Variants in VPS11 observed in about 807,000 individuals in gnomAD.
The protein encoded by VPS11 is VPS11 core subunit of CORVET and HOPS complexes.
VPS11 carries 51 observed loss-of-function variants against 106.8 expected under a neutral mutation model. The observed-to-expected ratio is 0.48, with a 90% CI of 0.38 to 0.60. The LOEUF (loss-of-function observed/expected upper bound fraction) is 0.60, where lower values mean the gene tolerates loss of function less well. Ranked by LOEUF, VPS11 falls within the 20% of genes least tolerant of loss-of-function variation. VPS11 has a pLI of 0.00. For missense variants in VPS11, 950 were observed against 1,190.0 expected, an observed-to-expected ratio of 0.80 and a Z score of 2.97; for synonymous variants, 453 against 458.7, an observed-to-expected ratio of 0.99 and a Z score of 0.16.
In VPS11 at chr11:119,078,548, C is replaced by T; in HGVS notation, c.1924-17C>T. ...TTTCCCCTTTTGTCCAGCAGCTCTG[C>T]CCTCCTTCCTCTCCAGGTCAAAGAG... is the stretch of plus-strand genomic sequence containing the variant. On this transcript the variant is annotated splice_polypyrimidine_tract_variant and intron_variant, in intron 11 of 15. Transcript: ENST00000621676. 6.2e-7 allele frequency: 1 copy of T among 1,605,018 alleles called. No homozygotes were observed. Among genetic ancestry groups the T allele is most frequent in the Non-Finnish European group, 8.5e-7 (1 of 1,172,820 alleles).
chr11:119,068,037 CCCT>C, intron 1 of VPS11, 27 bp downstream of exon 1: 1 of 1,575,188 alleles, frequency 6.3e-7, no homozygotes, highest in Non-Finnish European at 8.7e-7. Context: ...GCTGTCTTTT[CCCT>C]CCCGGGATCC....
In VPS11 at chr11:119,071,751, G is replaced by A; in HGVS notation, c.792G>A (p.Gly264=). 6.2e-7 allele frequency: 1 copy of A among 1,614,002 alleles called. No individual in the cohort carries two copies. Among genetic ancestry groups the A allele is most frequent in the Non-Finnish European group, 8.5e-7 (1 of 1,179,892 alleles). Residue 264 remains glycine (G), a synonymous_variant, in exon 5 of 16, where the codon GGG becomes GGA. Transcript: ENST00000621676. ...ACTTGTACCAGCCTGATGAACGTGGGCCCTGCTTCGCCTTTGAGGGCCATA... is the reference window on the plus strand; with the variant it reads ...ACTTGTACCAGCCTGATGAACGTGGACCCTGCTTCGCCTTTGAGGGCCATA... ...CVYLYQPDER[G]PCFAFEGHKL...
At chr11:119,078,735 G>T in intron 12 of VPS11, 31 bp downstream of exon 12, 2 of 1,609,068 alleles carry the variant, frequency 1.2e-6, no homozygotes, top group Non-Finnish European at 1.7e-6. Context: ...AGGGAAAGGG[G>T]AAGAATCCAA....
At chr11:119,078,373 G>A (rs1177563) in intron 11 of VPS11, 39 bp downstream of exon 11, 627,957 of 1,598,016 alleles carry the variant, frequency 0.39, 126,149 homozygotes, top group African/African-American at 0.49. Flanking sequence ...AAGACAGTTC[G>A]TGCCGTCTCC....
intron 4 of VPS11, among the ~76,000 whole-genome samples, chr11:119,071,368 A>C (rs1460587606): frequency 1.3e-5 from 2 of 152,212 alleles, no homozygotes; most frequent in East Asian, 3.8e-4. Context: ...TCTTACTTGC[A>C]GAATTTCTGT....
In VPS11 at chr11:119,078,178, C is replaced by G. The variant is rs782526268; in HGVS notation, c.1767C>G (p.Asn589Lys). The change falls in exon 11 of 16, where the codon AAC becomes AAG. Residue 589 changes from asparagine to lysine, a missense_variant. By Grantham distance (94) the Asn-to-Lys change is moderately conservative (BLOSUM62 0). This residue lies in a region of VPS11 where 453 missense variants were observed against 514.6 expected (regional missense o/e 0.88). Coordinates refer to ENST00000621676, the MANE Select transcript of VPS11 (RefSeq NM_021729.6). Reference protein sequence around the residue: ...SDREAPGCRANSEEFIPIFAN... With the variant: ...SDREAPGCRAKSEEFIPIFAN... ...TTCCTCTCTTGCCATCCTAGGCCAA[C>G]TCTGAGGAGTTCATCCCCATCTTTG... is the stretch of plus-strand genomic sequence containing the variant. The G allele has an allele frequency of 1.2e-6, 2 of 1,613,040 alleles. No homozygotes were observed. Among genetic ancestry groups the G allele is most frequent in the African/African-American group, 2.7e-5 (2 of 74,932 alleles).
chr11:119,081,431 G>T, intron 15 of VPS11, 28 bp from the exon 16 acceptor site: 1 of 1,613,712 alleles, frequency 6.2e-7, no homozygotes, highest in Non-Finnish European at 8.5e-7. Context: ...ATTCTGATTC[G>T]TATTCCTTCC....
Position 119,081,302 on chromosome 11 carries a change from A to T in VPS11, c.2649A>T (p.Gln883His). The change falls in exon 15 of 16, where the codon CAA (glutamine) becomes CAT (histidine). Residue 883 changes from glutamine to histidine, a missense_variant. Coordinates refer to ENST00000621676, the MANE Select transcript of VPS11 (RefSeq NM_021729.6). ...AACAGAAACGAGATCTCCATGATCA[A>T]TTCCAGCATCAGGTGGGGATGAGTG... Reference protein sequence around the residue: ...AQEQKRDLHDQFQHQLKCSND... With the variant: ...AQEQKRDLHDHFQHQLKCSND... 1 of 1,614,066 alleles carries T rather than the reference A, an allele frequency of 6.2e-7. No homozygotes were observed. The highest frequency in any genetic ancestry group is 2.2e-5 in the East Asian group (1 of 44,884).
At chr11:119,075,725 G>A (rs977970562) in intron 7 of VPS11, among the ~76,000 whole-genome samples, 2 of 150,764 alleles carry the variant, frequency 1.3e-5, no homozygotes, top group African/African-American at 2.4e-5. Flanking sequence ...GGTGGCGGGC[G>A]CCTGTAATCC....
In VPS11 at chr11:119,077,662, CT is replaced by C; in HGVS notation, c.1572+21del. The C allele has an allele frequency of 1.3e-6, 2 of 1,574,814 alleles. No homozygotes were observed. Among genetic ancestry groups the C allele is most frequent in the Non-Finnish European group, 1.7e-6 (2 of 1,159,940 alleles). ...AAGACATTAAGGTAGGTGAGACTGTCTTTTTTCCCCAAGAGACAGGGTCTCA... is the reference window on the plus strand; with the variant it reads ...AAGACATTAAGGTAGGTGAGACTGTCTTTTTCCCCAAGAGACAGGGTCTCA... On this transcript the variant is annotated intron_variant, in intron 9 of 15. Transcript: ENST00000621676.
At chr11:119,070,442 C>T in intron 4 of VPS11, 45 bp downstream of exon 4, 5 of 1,568,470 alleles carry the variant, frequency 3.2e-6, no homozygotes, top group Non-Finnish European at 4.3e-6. Context: ...GGGAGGGCTT[C>T]TCCATTGTTC....
At chr11:119,074,607 G>A (rs893241729) in intron 7 of VPS11, among the ~76,000 whole-genome samples, 3 of 152,118 alleles carry the variant, frequency 2.0e-5, no homozygotes, top group East Asian at 1.9e-4. Flanking sequence ...GTTTCACCAC[G>A]TTCTCTAGGC....
chr11:119,079,067 C>T, intron 13 of VPS11, 62 bp from the exon 14 acceptor site: 8 of 1,612,158 alleles, frequency 5.0e-6, no homozygotes, highest in Non-Finnish European at 6.8e-6. Flanking sequence ...GGCCCTTCAC[C>T]TTTATCCAGA....
chr11:119,081,075 G>A lies in VPS11; in HGVS notation c.2439-17G>A. 3 of 1,611,180 alleles carry A rather than the reference G, an allele frequency of 1.9e-6. No homozygotes were observed. In the African/African-American group the frequency reaches 4.0e-5, roughly 21 times the overall value. On this transcript the variant is annotated splice_polypyrimidine_tract_variant and intron_variant, in intron 14 of 15. Transcript: ENST00000621676. ...CCCTCACTTTTGCCACTCACTTCTG[G>A]TCTTTCTTCCCTGTAGTCCTAAGAT...
intron 7 of VPS11, among the ~76,000 whole-genome samples, chr11:119,075,355 G>A (rs1945565350): frequency 6.6e-6 from 1 of 151,926 alleles, no homozygotes; most frequent in Non-Finnish European, 1.5e-5. Flanking sequence ...GAATGCATGA[G>A]CCCAGTCTGA....
intron 6 of VPS11, 115 bp from the exon 7 acceptor site, chr11:119,073,685 G>C: frequency 8.3e-7 from 1 of 1,208,858 alleles, no homozygotes; most frequent in East Asian, 2.4e-5. Flanking sequence ...GTTTGTCTAG[G>C]ATCTAGGCAG....
In VPS11 at chr11:119,081,814, T is replaced by G; in HGVS notation, c.*191T>G. The G allele has an allele frequency of 4.0e-6, 3 of 745,752 alleles. No homozygotes were observed. The highest frequency in any genetic ancestry group is 6.4e-6 in the Non-Finnish European group (3 of 470,384). 46.2% of individuals were successfully genotyped at this position (745,752 alleles called of 1,614,324 possible). A position where few individuals can be genotyped will look rare whatever the true frequency, so the allele number is the denominator to read the frequency against. Reference sequence around the variant, plus strand: ...TTTAGTCAGCTTGCCATCCCTCCTCTTCACTAGCAGTGTAGATCATTCCAG... The same window carrying G: ...TTTAGTCAGCTTGCCATCCCTCCTCGTCACTAGCAGTGTAGATCATTCCAG... On this transcript the variant is annotated 3_prime_UTR_variant, in exon 16 of 16. Transcript: ENST00000621676.
In VPS11 at chr11:119,077,536, G is replaced by A; in HGVS notation, c.1461G>A (p.Glu487=). 1.9e-6 allele frequency: 3 copies of A among 1,614,048 alleles called. No individual in the cohort carries two copies. The highest frequency in any genetic ancestry group is 2.5e-6 in the Non-Finnish European group (3 of 1,179,886). The change falls in exon 9 of 16, where the codon GAG becomes GAA. Residue 487 remains glutamate, a synonymous_variant. Transcript: ENST00000621676. ...AGAGTGAAGTCCACTTTGATGTGGA[G>A]ACAGCCATCAAGGTCCTCCGGCAGG... ...KSESEVHFDV[E]TAIKVLRQAG... is the part of the protein sequence containing the mutation.
At chr11:119,076,834 C>T in intron 7 of VPS11, 63 bp from the exon 8 acceptor site, 2 of 1,571,940 alleles carry the variant, frequency 1.3e-6, no homozygotes, top group Non-Finnish European at 1.7e-6. Flanking sequence ...CAAGTGATTC[C>T]TGTGTACATG....
Sources: allele counts gnomAD v4.1 joint callset (sites outside exome capture counted in the v4.1 genomes callset), GRCh38; gene constraint gnomAD v4.1.1; regional missense constraint gnomAD v4.1.1; transcripts MANE v1.5; gene names NCBI Gene and HGNC (gene_info 2026-07-23, HGNC 2026-07-21).